Variants in IMPG2 observed in about 807,000 individuals in gnomAD.
IMPG2 encodes the protein interphotoreceptor matrix proteoglycan 2.
Under a neutral mutation model 129.2 loss-of-function variants are expected in IMPG2, and 91 were observed. The observed-to-expected ratio is 0.70, with a 90% confidence interval of 0.59 to 0.84. The LOEUF is 0.84. Ranked by LOEUF, IMPG2 falls within the 40% of genes least tolerant of loss-of-function variation. The pLI, the probability that IMPG2 is intolerant of heterozygous loss-of-function variation, is 0.00. For synonymous variants in IMPG2, 510 were observed against 517.7 expected (o/e 0.99, Z 0.20); for missense variants, 1,430 against 1,461.7 (o/e 0.98, Z 0.35).
At chr3:101,283,046 G>A (rs1706908963) in intron 4 of IMPG2, among the ~76,000 whole-genome samples, 1 of 152,156 alleles carries the variant, frequency 6.6e-6, no homozygotes, top group Non-Finnish European at 1.5e-5. Context: ...TTGAGATGGA[G>A]TCTCACTCTG....
At chr3:101,247,370 G>A (rs1343039084) in intron 11 of IMPG2, among the ~76,000 whole-genome samples, 1 of 152,212 alleles carries the variant, frequency 6.6e-6, no homozygotes, top group African/African-American at 2.4e-5. Context: ...GGCTGATGCA[G>A]GCAGATAACC....
At chr3:101,267,463 A>G in intron 9 of IMPG2, 48 bp downstream of exon 9, 1 of 1,538,728 alleles carries the variant, frequency 6.5e-7, no homozygotes, top group Non-Finnish European at 9.0e-7. Flanking sequence ...TATATTTACT[A>G]AACTGTCTCC....
At chr3:101,235,731 G>T (rs528278357) in intron 14 of IMPG2, among the ~76,000 whole-genome samples, 1 of 152,284 alleles carries the variant, frequency 6.6e-6, no homozygotes, top group South Asian at 2.1e-4. Context: ...GGAAACAAAG[G>T]TAGAGTTGGA....
rs200588993 is a variant in IMPG2, at chr3:101,310,090, G to GA, written c.335-5779_335-5778insT. Among the ~76,000 whole-genome samples the GA allele has an allele frequency of 2.6e-5, 4 of 152,186 alleles. No homozygotes were observed. In the East Asian group the frequency reaches 7.7e-4, roughly 29 times the overall value. ...TACCCTAAAACTTAAGAGAGGTTGG[G>GA]GTTAGTGTGTATTAGTCAAAAGTCA... On this transcript the variant is annotated intron_variant, in intron 2 of 18. Transcript: ENST00000193391.
intron 10 of IMPG2, 41 bp from the exon 11 acceptor site, chr3:101,253,822 C>T (rs756138296): frequency 2.2e-6 from 3 of 1,386,708 alleles, no homozygotes; most frequent in South Asian, 1.2e-5. Flanking sequence ...TTAGATGAGG[C>T]CCTATTGTAT....
intron 2 of IMPG2, among the ~76,000 whole-genome samples, chr3:101,317,273 C>A (rs1218370683): frequency 6.6e-6 from 1 of 151,902 alleles, no homozygotes. Flanking sequence ...TTAAAAAGTC[C>A]AACAACGAAT....
chr3:101,289,851 TG>T (rs894725933), intron 4 of IMPG2, among the ~76,000 whole-genome samples: 3 of 150,756 alleles, frequency 2.0e-5, no homozygotes, highest in African/African-American at 7.3e-5. Flanking sequence ...ATAGGGACTG[TG>T]GGGTCAGAGA....
intron 4 of IMPG2, among the ~76,000 whole-genome samples, chr3:101,278,102 G>A (rs1336595668): frequency 6.6e-6 from 1 of 152,146 alleles, no homozygotes; most frequent in East Asian, 1.9e-4. Flanking sequence ...AGGCGTGGTG[G>A]CACATGCCTG....
intron 9 of IMPG2, among the ~76,000 whole-genome samples, chr3:101,261,184 C>T (rs1486767410): frequency 6.6e-6 from 1 of 152,126 alleles, no homozygotes; most frequent in Non-Finnish European, 1.5e-5. Context: ...ATCTACCTCT[C>T]CAGAAAGGTG....
intron 14 of IMPG2, among the ~76,000 whole-genome samples, chr3:101,241,708 C>T (rs922517798): frequency 2.0e-5 from 3 of 152,016 alleles, no homozygotes; most frequent in Admixed American, 6.6e-5. Flanking sequence ...CTAAAAGCTC[C>T]AGGTGTTAGG....
chr3:101,319,055 T>G (rs1030528267), intron 2 of IMPG2, among the ~76,000 whole-genome samples: 4 of 151,976 alleles, frequency 2.6e-5, no homozygotes, highest in African/African-American at 9.7e-5. Context: ...TAACTATTAA[T>G]AAATAGGCAA....
chr3:101,277,065 G>GGCTAC (rs1706847182), intron 4 of IMPG2, among the ~76,000 whole-genome samples: 1 of 152,094 alleles, frequency 6.6e-6, no homozygotes, highest in Non-Finnish European at 1.5e-5. Flanking sequence ...TGCCCAAAAT[G>GGCTAC]GTAGCCACTG....
chr3:101,230,434 A>AAGAG (rs1706273138), intron 16 of IMPG2, among the ~76,000 whole-genome samples: 1 of 152,222 alleles, frequency 6.6e-6, no homozygotes, highest in African/African-American at 2.4e-5. Flanking sequence ...GCTTGAGCCA[A>AAGAG]AGAGGAGCAA....
At chr3:101,310,367 G>T (rs1274376222) in intron 2 of IMPG2, among the ~76,000 whole-genome samples, 1 of 152,062 alleles carries the variant, frequency 6.6e-6, no homozygotes, top group African/African-American at 2.4e-5. Context: ...TTCAAGATTA[G>T]CCTGGGCAAC....
intron 3 of IMPG2, among the ~76,000 whole-genome samples, chr3:101,297,504 TA>T (rs1707093221): frequency 6.6e-6 from 1 of 152,242 alleles, no homozygotes; most frequent in Non-Finnish European, 1.5e-5. Context: ...ATGTCAATTT[TA>T]GATCTTTCCT....
chr3:101,245,719 TC>T, intron 12 of IMPG2, 82 bp downstream of exon 12: 2 of 1,280,272 alleles, frequency 1.6e-6, no homozygotes, highest in Non-Finnish European at 2.3e-6. Context: ...CATGTTTTTT[TC>T]ATAGCCATAG....
At position 101,242,857 on chromosome 3, in the gene IMPG2, G is replaced by A. The variant is rs267599514; in HGVS notation, c.2853C>T (p.Ile951=). The change falls in exon 14 of 19, where the codon ATC becomes ATT. Residue 951 remains isoleucine, a synonymous_variant. Coordinates refer to ENST00000193391, the MANE Select transcript of IMPG2 (RefSeq NM_016247.4). ...SNLTGFQNLE[I]LNFRNGSIVV... is the part of the protein sequence containing the mutation. ...CAATGCTGCCATTTCTGAAGTTGAG[G>A]ATTTCTAAGTTCTGGAACCCCGTGA... 4 of 1,614,046 alleles carry A rather than the reference G, an allele frequency of 2.5e-6. No individual in the cohort carries two copies. The highest frequency in any genetic ancestry group is 3.4e-6 in the Non-Finnish European group (4 of 1,179,966).
intron 2 of IMPG2, among the ~76,000 whole-genome samples, chr3:101,305,152 T>C (rs1057487821): frequency 2.0e-5 from 3 of 152,120 alleles, no homozygotes; most frequent in African/African-American, 7.2e-5. Context: ...AAAATATTAT[T>C]CAATGATAAA....
chr3:101,317,432 T>C (rs2058791425), intron 2 of IMPG2, among the ~76,000 whole-genome samples: 1 of 152,054 alleles, frequency 6.6e-6, no homozygotes. Context: ...GAAGGAAAAA[T>C]TGAGCAAACC....
Sources: allele counts gnomAD v4.1 joint callset (sites outside exome capture counted in the v4.1 genomes callset), GRCh38; gene constraint gnomAD v4.1.1; transcripts MANE v1.5; gene names NCBI Gene and HGNC (gene_info 2026-07-23, HGNC 2026-07-21).